PSMD1: variants seen among roughly 807,000 people sequenced by gnomAD.
The protein encoded by PSMD1 is 26S proteasome non-ATPase regulatory subunit 1.
Under a neutral mutation model 119.0 loss-of-function variants are expected in PSMD1, and 18 were observed. The ratio of observed to expected loss-of-function variants is 0.15; its 90% CI spans 0.10 to 0.22. PSMD1 has a LOEUF of 0.22. PSMD1 is among the 10% of genes least tolerant of loss of function. The pLI is 1.00. For missense variants in PSMD1, 702 were observed against 1,158.5 expected (o/e 0.61, Z 5.72); for synonymous variants, 374 against 396.6 (o/e 0.94, Z 0.68).
chr2:231,111,367 A>G (rs907267939), intron 16 of PSMD1, among the ~76,000 whole-genome samples: 2 of 152,132 alleles, frequency 1.3e-5, no homozygotes, highest in South Asian at 2.1e-4. Context: ...TTCACATTCT[A>G]TTAACTCATT....
intron 8 of PSMD1, among the ~76,000 whole-genome samples, chr2:231,076,170 A>G (rs578044339): frequency 6.6e-6 from 1 of 152,290 alleles, no homozygotes; most frequent in Admixed American, 6.5e-5. Flanking sequence ...ACAGGGTGAA[A>G]AAAAGGTATG....
At chr2:231,075,125 T>C (rs1015739843) in intron 7 of PSMD1, among the ~76,000 whole-genome samples, 1 of 152,224 alleles carries the variant, frequency 6.6e-6, no homozygotes, top group Admixed American at 6.5e-5. Flanking sequence ...ATATGGTGCT[T>C]TGACCTACAA....
At chr2:231,172,262 G>C (rs1337157892) in intron 24 of PSMD1, among the ~76,000 whole-genome samples, 1 of 152,148 alleles carries the variant, frequency 6.6e-6, no homozygotes, top group Non-Finnish European at 1.5e-5. Context: ...GAAAACCCTT[G>C]ATTACAGCTT....
intron 16 of PSMD1, among the ~76,000 whole-genome samples, chr2:231,098,650 C>T (rs762371994): frequency 1.8e-4 from 27 of 152,052 alleles, no homozygotes; most frequent in Non-Finnish European, 4.0e-4. Flanking sequence ...TCCACTTCCT[C>T]TAGGGGAGGG....
intron 16 of PSMD1, chr2:231,109,017 T>C: frequency 6.2e-7 from 1 of 1,614,206 alleles, no homozygotes; most frequent in Non-Finnish European, 8.5e-7. Flanking sequence ...TCGTTGGAAA[T>C]GGTCTGCACT....
At position 231,070,050 on chromosome 2, in the gene PSMD1, A is replaced by G. The variant is rs752658441; in HGVS notation, c.536A>G (p.Tyr179Cys). 6.7e-7 allele frequency: 1 copy of G among 1,490,088 alleles called. No individual in the cohort carries two copies. Among genetic ancestry groups the G allele is most frequent in the Admixed American group, 2.3e-5 (1 of 44,098 alleles). The allele number at this position is 1,490,088 out of a possible 1,614,324, so 92.3% of individuals were successfully genotyped here. ...AATGATGTCCCAGGAATGTTAGCTT[A>G]TAGCCTTAAGCTCTGCATGTCTTTA... ...ESNDVPGMLA[Y>C]SLKLCMSLMQ... is the part of the protein sequence containing the mutation. The change falls in exon 6 of 25, where the codon TAT becomes TGT. Residue 179 changes from tyrosine to cysteine, a missense_variant. Tyr to Cys is a radical substitution (Grantham distance 194). Transcript: ENST00000308696.
intron 18 of PSMD1, among the ~76,000 whole-genome samples, chr2:231,149,437 C>T (rs1696324191): frequency 6.6e-6 from 1 of 152,092 alleles, no homozygotes; most frequent in African/African-American, 2.4e-5. Flanking sequence ...GAGTTCAAGG[C>T]CAGCCTGAAC....
intron 12 of PSMD1, 38 bp from the exon 13 acceptor site, chr2:231,082,845 A>C (rs1396238721): frequency 6.9e-7 from 1 of 1,438,904 alleles, no homozygotes; most frequent in East Asian, 2.3e-5. Flanking sequence ...TGTTAAGTAC[A>C]GTGTACCAAA....
In PSMD1 at chr2:231,070,093, T is replaced by G; in HGVS notation, c.579T>G (p.Phe193Leu). The change falls in exon 6 of 25, where the codon TTT (phenylalanine) becomes TTG (leucine). Residue 193 changes from phenylalanine to leucine, a missense_variant. By Grantham distance (22) the Phe-to-Leu change is conservative (BLOSUM62 0). This residue lies in a region of PSMD1 where 58 missense variants were observed against 54.0 expected (regional missense o/e 1.07). Transcript: ENST00000308696. Reference protein sequence around the residue: ...LCMSLMQNKQFRNKVLRVLVK... With the variant: ...LCMSLMQNKQLRNKVLRVLVK... ...TGTCTTTAATGCAGAATAAACAGTT[T>G]CGGAATAAAGTACTAAGAGTTCTAG... is the stretch of plus-strand genomic sequence containing the variant. The G allele has an allele frequency of 6.3e-7, 1 of 1,579,638 alleles. No individual in the cohort carries two copies. Among genetic ancestry groups the G allele is most frequent in the Non-Finnish European group, 8.6e-7 (1 of 1,166,820 alleles).
chr2:231,168,331 CT>C (rs1045928240), intron 23 of PSMD1, among the ~76,000 whole-genome samples: 1 of 152,198 alleles, frequency 6.6e-6, no homozygotes, highest in African/African-American at 2.4e-5. Context: ...GAAGAGAAAA[CT>C]GTGCCCACAC....
chr2:231,139,828 A>AC (rs1696062877), intron 17 of PSMD1, among the ~76,000 whole-genome samples: 3 of 152,198 alleles, frequency 2.0e-5, no homozygotes, highest in Non-Finnish European at 4.4e-5. Flanking sequence ...CTCAAAAGTT[A>AC]TAAAAAAAGA....
At chr2:231,108,736 T>C (rs200732959) in intron 16 of PSMD1, 93 of 1,614,068 alleles carry the variant, frequency 5.8e-5, no homozygotes, top group African/African-American at 2.7e-5. Flanking sequence ...TGGAGCGTTT[T>C]CTGAGAGTTT....
At chr2:231,067,380 A>G (rs915671085) in intron 5 of PSMD1, among the ~76,000 whole-genome samples, 1 of 152,232 alleles carries the variant, frequency 6.6e-6, no homozygotes, top group African/African-American at 2.4e-5. Context: ...TAAGAAGACA[A>G]TAAACTATAT....
intron 16 of PSMD1, among the ~76,000 whole-genome samples, chr2:231,135,182 A>C (rs748415042): frequency 3.9e-5 from 6 of 152,198 alleles, no homozygotes; most frequent in Non-Finnish European, 7.4e-5. Flanking sequence ...ATAGAAGTTA[A>C]ATGGTAGTTT....
intron 17 of PSMD1, 22 bp downstream of exon 17, chr2:231,138,872 G>A (rs1281307494): frequency 1.2e-5 from 18 of 1,560,656 alleles, no homozygotes; most frequent in Non-Finnish European, 9.7e-6. Context: ...AGCCAATGGG[G>A]TCAGTTCTTT....
At chr2:231,163,347 C>G in intron 20 of PSMD1, 1 of 288,400 alleles carries the variant, frequency 3.5e-6, no homozygotes, top group Non-Finnish European at 6.5e-6. Context: ...TGATCTGATG[C>G]TCACACCATG....
intron 21 of PSMD1, 159 bp from the exon 22 acceptor site, chr2:231,165,041 T>TAC (rs1696737752): frequency 1.1e-4 from 1 of 9,438 alleles, no homozygotes; most frequent in East Asian, 3.9e-3. Flanking sequence ...TATTTATATA[T>TAC]ATATATATAT....
chr2:231,078,492 C>G (rs374786663), intron 9 of PSMD1, among the ~76,000 whole-genome samples, 167 bp from the exon 10 acceptor site: 24 of 152,304 alleles, frequency 1.6e-4, no homozygotes, highest in East Asian at 1.2e-3. Context: ...TTTGTATAAA[C>G]TAGCTATTTA....
Position 231,075,541 on chromosome 2 carries a change from C to T in PSMD1, c.912C>T (p.Ser304=). ...SDSMETEEKT[S]SAFVGKTPEA... ...CGATGGAAACAGAAGAAAAGACAAG[C>T]AGTGCATTTGTAGGAAAGACACCAG... is the stretch of plus-strand genomic sequence containing the variant. The change falls in exon 8 of 25, where the codon AGC becomes AGT. Residue 304 remains serine (S), a synonymous_variant. Coordinates refer to ENST00000308696, the MANE Select transcript of PSMD1 (RefSeq NM_002807.4). 1 of 1,609,658 alleles carries T rather than the reference C, an allele frequency of 6.2e-7. No individual in the cohort carries two copies. Among genetic ancestry groups the T allele is most frequent in the South Asian group, 1.1e-5 (1 of 89,356 alleles).
Sources: allele counts gnomAD v4.1 joint callset (sites outside exome capture counted in the v4.1 genomes callset), GRCh38; gene constraint gnomAD v4.1.1; regional missense constraint gnomAD v4.1.1; transcripts MANE v1.5; gene names NCBI Gene and HGNC (gene_info 2026-07-23, HGNC 2026-07-21).